NTRK3: variants seen among roughly 807,000 people sequenced by gnomAD.
NTRK3 encodes neurotrophic receptor tyrosine kinase 3.
Under a neutral mutation model 91.7 loss-of-function variants are expected in NTRK3, and 24 were observed. The observed-to-expected ratio is 0.26, with a 90% CI of 0.19 to 0.37. The LOEUF (loss-of-function observed/expected upper bound fraction) is 0.37, where lower values mean the gene tolerates loss of function less well. NTRK3 is among the 10% of genes least tolerant of loss of function. The pLI is 1.00. For synonymous variants in NTRK3, 483 were observed against 404.0 expected (o/e 1.20, Z -2.34); for missense variants, 880 against 1,068.9 (o/e 0.82, Z 2.46).
intron 13 of NTRK3, among the ~76,000 whole-genome samples, chr15:88,046,895 C>T (rs1003694055): frequency 6.6e-6 from 1 of 152,186 alleles, no homozygotes; most frequent in African/African-American, 2.4e-5. Context: ...GGTATAAATG[C>T]AACACCAAAA....
At chr15:87,870,181 TACAC>T (rs58874538) in exon 19 of NTRK3, 7,025 of 167,152 alleles carry the variant, frequency 0.042, 203 homozygotes, top group African/African-American at 0.095. Flanking sequence ...GAAACTGTGG[TACAC>T]ACACACACAC....
intron 5 of NTRK3, among the ~76,000 whole-genome samples, chr15:88,147,808 A>C (rs1286291844): frequency 6.6e-6 from 1 of 152,072 alleles, no homozygotes; most frequent in East Asian, 1.9e-4. Flanking sequence ...CAGGTCAAAA[A>C]ACTCTGCAGG....
At chr15:87,943,179 G>T (rs535918472) in intron 14 of NTRK3, among the ~76,000 whole-genome samples, 1 of 152,292 alleles carries the variant, frequency 6.6e-6, no homozygotes. Flanking sequence ...TGCTGCTGGT[G>T]CAGGAACCAC....
rs1368385749 is a variant in NTRK3 at position 88,235,578 on chromosome 15, G to C, written c.248+20328C>G. On this transcript the variant is annotated intron_variant, in intron 3 of 18. Transcript: ENST00000394480. This position sits in a 1 kb window ranked among gnomAD's most constrained non-coding sequence, Gnocchi z 5.2. ...GGCCCCTGGGAGGAGCAGCACAACT[G>C]GGGTGGATGGAGAACCCCAAGGAAA... 2.0e-5 allele frequency among the ~76,000 whole-genome samples: 3 copies of C among 152,162 alleles called. No individual in the cohort carries two copies. Among genetic ancestry groups the C allele is most frequent in the African/African-American group, 7.2e-5 (3 of 41,442 alleles).
chr15:88,098,800 C>T lies in NTRK3; in HGVS notation c.1396+27471G>A, dbSNP rs2279410. 6.4e-4 allele frequency: 150 copies of T among 232,992 alleles called. No individual in the cohort carries two copies. In the East Asian group the frequency reaches 8.6e-3, roughly 13 times the overall value. 14.4% of individuals were successfully genotyped at this position (232,992 alleles called of 1,614,324 possible). Reference sequence around the variant, plus strand: ...CATGGGAGAGATGGAGTGTGAAAGACAGGCATTCATCTTGGGCCCAAAATC... The same window carrying T: ...CATGGGAGAGATGGAGTGTGAAAGATAGGCATTCATCTTGGGCCCAAAATC... On this transcript the variant is annotated intron_variant, in intron 13 of 18. Transcript: ENST00000394480.
At chr15:88,179,013 A>G (rs1014111579) in intron 5 of NTRK3, among the ~76,000 whole-genome samples, 2 of 152,216 alleles carry the variant, frequency 1.3e-5, no homozygotes, top group Non-Finnish European at 2.9e-5. Context: ...TTCTTCCACT[A>G]ACTTACTGTA....
intron 17 of NTRK3, among the ~76,000 whole-genome samples, chr15:87,926,505 T>A (rs1161958388): frequency 2.0e-5 from 3 of 152,202 alleles, no homozygotes; most frequent in Non-Finnish European, 4.4e-5. Context: ...TGAGGTTACC[T>A]GTAGTGTGTA....
exon 9 of NTRK3, chr15:88,135,903 G>T (rs747146453): frequency 1.2e-6 from 2 of 1,614,124 alleles, no homozygotes; most frequent in Admixed American, 3.3e-5. Context: ...ACTTACAGTA[G>T]ACAGTGAGGG....
At chr15:88,067,870 T>C (rs55898076) in intron 13 of NTRK3, among the ~76,000 whole-genome samples, 26,744 of 152,098 alleles carry the variant, frequency 0.18, 2,965 homozygotes, top group Non-Finnish European at 0.25. Context: ...GACACAGGAC[T>C]TGATGGAGAG....
At chr15:88,059,953 G>C (rs1597061380) in intron 13 of NTRK3, among the ~76,000 whole-genome samples, 1 of 152,190 alleles carries the variant, frequency 6.6e-6, no homozygotes, top group East Asian at 1.9e-4. Context: ...CCAGAAGAGA[G>C]GCATTCGAAG....
chr15:87,872,769 C>T (rs1382473754), exon 19 of NTRK3: 10 of 232,590 alleles, frequency 4.3e-5, no homozygotes, highest in Non-Finnish European at 6.8e-5. Context: ...AACTTTTCTT[C>T]GTCTCCTTCC....
At chr15:88,198,239 G>A (rs547641160) in intron 3 of NTRK3, among the ~76,000 whole-genome samples, 1 of 152,132 alleles carries the variant, frequency 6.6e-6, no homozygotes, top group Non-Finnish European at 1.5e-5. Context: ...ACTCTTCCCA[G>A]CCACCCCCTT....
At chr15:87,906,668 T>C (rs1008387699) in intron 17 of NTRK3, among the ~76,000 whole-genome samples, 2 of 152,172 alleles carry the variant, frequency 1.3e-5, no homozygotes, top group African/African-American at 4.8e-5. Flanking sequence ...AAGCCCTCCT[T>C]GGAGAAACTA....
At chr15:88,045,464 A>G (rs2080088231) in intron 13 of NTRK3, among the ~76,000 whole-genome samples, 1 of 152,182 alleles carries the variant, frequency 6.6e-6, no homozygotes, top group African/African-American at 2.4e-5. Context: ...CGTCCCTATT[A>G]AAGTCCCTTT....
chr15:87,972,770 C>T (rs1006012400), intron 14 of NTRK3, among the ~76,000 whole-genome samples: 1 of 152,178 alleles, frequency 6.6e-6, no homozygotes, highest in African/African-American at 2.4e-5. Flanking sequence ...GAGCCCTCAG[C>T]TAAGATTTCT....
At chr15:87,912,439 T>A (rs975358) in intron 17 of NTRK3, among the ~76,000 whole-genome samples, 82,701 of 151,998 alleles carry the variant, frequency 0.54, 24,143 homozygotes, top group African/African-American at 0.77. Context: ...AGTCTGGGGA[T>A]TGATCACTAA....
At chr15:88,141,338 C>T (rs1991285) in intron 6 of NTRK3, among the ~76,000 whole-genome samples, 1,834 of 152,268 alleles carry the variant, frequency 0.012, 23 homozygotes, top group African/African-American at 0.042. Context: ...ATGTCTTCCA[C>T]GCATTTCTTC....
At chr15:88,158,621 C>G (rs1189476431) in intron 5 of NTRK3, among the ~76,000 whole-genome samples, 1 of 152,234 alleles carries the variant, frequency 6.6e-6, no homozygotes, top group African/African-American at 2.4e-5. Flanking sequence ...GTTATTGAAA[C>G]TATTCTGCGG....
intron 14 of NTRK3, among the ~76,000 whole-genome samples, chr15:87,970,659 G>A (rs973846231): frequency 3.3e-4 from 50 of 152,194 alleles, no homozygotes; most frequent in African/African-American, 9.4e-4. Flanking sequence ...TGCAAACTGT[G>A]AAACTCTAAG....
Sources: gnomAD v4.1 joint callset for allele counts (sites outside exome capture counted in the v4.1 genomes callset) on GRCh38, gnomAD v4.1.1 for gene constraint, Gnocchi (gnomAD v3.1) non-coding constraint, MANE v1.5 for transcripts, NCBI Gene and HGNC (gene_info 2026-07-23, HGNC 2026-07-21) for gene names.